The following PTPRN2 variants were observed in gnomAD, a reference collection of about 807,000 sequenced individuals.
PTPRN2 encodes receptor-type tyrosine-protein phosphatase N2.
A neutral mutation model predicts 118.8 loss-of-function variants in PTPRN2; 74 were observed. The ratio of observed to expected loss-of-function variants is 0.62; its 90% CI spans 0.52 to 0.76. PTPRN2 has a LOEUF of 0.76. PTPRN2 is among the 30% of genes least tolerant of loss of function. The pLI, the probability that PTPRN2 is intolerant of heterozygous loss-of-function variation, is 0.00. For missense variants in PTPRN2, 1,481 were observed against 1,394.4 expected (o/e 1.06, Z -0.99); for synonymous variants, 641 against 608.0 (o/e 1.05, Z -0.80).
chr7:157,649,135 C>T (rs1273738939), intron 14 of PTPRN2, among the ~76,000 whole-genome samples: 2 of 128,056 alleles, frequency 1.6e-5, no homozygotes, highest in Non-Finnish European at 3.4e-5. Flanking sequence ...GCACTGAACT[C>T]GGTGGGTCGG....
Position 157,874,717 on chromosome 7 carries a change from A to G in PTPRN2, c.1788+23956T>C, listed in dbSNP as rs532058442. The stretch of plus-strand genomic sequence containing the variant: ...AACCCAAGCAGACACACACTCATGC[A>G]CACACACACAGAGACACACTCATGC... On this transcript the variant is annotated intron_variant, in intron 12 of 22. Transcript: ENST00000389418. This position sits in a 1 kb window ranked among gnomAD's most constrained non-coding sequence, Gnocchi z 5.8. 3.0e-4 allele frequency among the ~76,000 whole-genome samples: 45 copies of G among 152,004 alleles called. No individual in the cohort carries two copies. The South Asian group carries it at 8.9e-3, about 30-fold the overall frequency.
At chr7:158,130,182 G>C (rs944955534) in intron 9 of PTPRN2, among the ~76,000 whole-genome samples, 1 of 152,198 alleles carries the variant, frequency 6.6e-6, no homozygotes, top group Non-Finnish European at 1.5e-5. Flanking sequence ...GCAGCACAGC[G>C]ACAGCACCAG....
At chr7:158,044,648 G>C (rs906086251) in intron 11 of PTPRN2, among the ~76,000 whole-genome samples, 1 of 152,086 alleles carries the variant, frequency 6.6e-6, no homozygotes, top group Non-Finnish European at 1.5e-5. Flanking sequence ...GGAGGCCACA[G>C]GGGACAAGGA....
At chr7:158,350,567 C>T (rs1359892762) in intron 2 of PTPRN2, among the ~76,000 whole-genome samples, 2 of 152,172 alleles carry the variant, frequency 1.3e-5, no homozygotes, top group African/African-American at 4.8e-5. Flanking sequence ...ACTTAGAGTC[C>T]CATAACACAT....
chr7:158,067,174 A>C (rs540466686), intron 11 of PTPRN2, among the ~76,000 whole-genome samples: 1 of 152,314 alleles, frequency 6.6e-6, no homozygotes, highest in East Asian at 1.9e-4. Flanking sequence ...TTGAGATGCA[A>C]TTCTTATTTC....
In PTPRN2 at chr7:158,138,958, CA is replaced by C. The variant is rs1563494153; in HGVS notation, c.911-444del. On this transcript the variant is annotated intron_variant, in intron 6 of 22. Coordinates refer to ENST00000389418, the MANE Select transcript of PTPRN2 (RefSeq NM_002847.5). Reference sequence around the variant, plus strand: ...AGCGCCCTGCCCAGGACACCCTGCCCAGCACACCCTGCCCAGCACACCCTGC... The same window carrying C: ...AGCGCCCTGCCCAGGACACCCTGCCCGCACACCCTGCCCAGCACACCCTGC... 1.3e-4 allele frequency among the ~76,000 whole-genome samples: 17 copies of C among 135,062 alleles called. No homozygotes were observed. The South Asian group carries it at 3.6e-3, about 29-fold the overall frequency. The allele number at this position is 135,062 out of a possible 152,430, so 88.6% of individuals were successfully genotyped here. A position where few individuals can be genotyped will look rare whatever the true frequency, so the allele number is the denominator to read the frequency against.
intron 11 of PTPRN2, among the ~76,000 whole-genome samples, chr7:157,947,010 C>A (rs1217499596): frequency 1.3e-5 from 2 of 152,190 alleles, no homozygotes; most frequent in Non-Finnish European, 2.9e-5. Context: ...CCCTGGCCTG[C>A]CCTGGGTGTG....
intron 3 of PTPRN2, among the ~76,000 whole-genome samples, chr7:158,208,798 G>A (rs1193893258): frequency 1.3e-5 from 2 of 152,100 alleles, no homozygotes; most frequent in East Asian, 3.9e-4. Flanking sequence ...CTCATATCTG[G>A]AGTTAAAAGA....
chr7:158,308,139 T>C (rs2151065995), intron 3 of PTPRN2, among the ~76,000 whole-genome samples: 1 of 152,302 alleles, frequency 6.6e-6, no homozygotes, highest in South Asian at 2.1e-4. Flanking sequence ...TGATCCTCAA[T>C]AATATTAACA....
chr7:158,054,614 C>A (rs545848779), intron 11 of PTPRN2, among the ~76,000 whole-genome samples: 3 of 152,356 alleles, frequency 2.0e-5, no homozygotes, highest in Admixed American at 6.5e-5. Context: ...CAGAATCTGG[C>A]AACCAGGAGA....
At chr7:158,276,278 G>GTC in intron 3 of PTPRN2, among the ~76,000 whole-genome samples, 1 of 34,792 alleles carries the variant, frequency 2.9e-5, no homozygotes, top group African/African-American at 6.8e-5. Flanking sequence ...GCCCCAACAG[G>GTC]CTGTAAGGCA....
At chr7:158,578,789 G>T (rs1404624284) in intron 1 of PTPRN2, among the ~76,000 whole-genome samples, 1 of 151,406 alleles carries the variant, frequency 6.6e-6, no homozygotes, top group Non-Finnish European at 1.5e-5. Context: ...TTGAGACAGA[G>T]TCTCCCTCTG....
chr7:158,586,920 A>T (rs1828964068), intron 1 of PTPRN2, among the ~76,000 whole-genome samples: 1 of 151,756 alleles, frequency 6.6e-6, no homozygotes, highest in South Asian at 2.1e-4. Context: ...TCGGGGCGTG[A>T]GGCCCAGGAG....
Position 157,741,304 on chromosome 7 carries a change from G to A in PTPRN2, c.1789-58367C>T, listed in dbSNP as rs147011265. Among the ~76,000 whole-genome samples the A allele has an allele frequency of 5.7e-4, 87 of 152,346 alleles. No individual in the cohort carries two copies. The East Asian group carries it at 0.016, about 28-fold the overall frequency. On this transcript the variant is annotated intron_variant, in intron 12 of 22. Transcript: ENST00000389418. Reference sequence around the variant, plus strand: ...CTTTAGTAAGTAAAATGAAAGGTGTGTCTTACTACTGCTGGCTGTTTCCGG... The same window carrying A: ...CTTTAGTAAGTAAAATGAAAGGTGTATCTTACTACTGCTGGCTGTTTCCGG...
intron 17 of PTPRN2, among the ~76,000 whole-genome samples, chr7:157,582,223 C>T (rs1462045250): frequency 6.6e-6 from 1 of 152,242 alleles, no homozygotes; most frequent in Non-Finnish European, 1.5e-5. Flanking sequence ...CCTACGCTTC[C>T]TATCAACACC....
intron 12 of PTPRN2, among the ~76,000 whole-genome samples, chr7:157,812,851 C>A (rs937473661): frequency 9.2e-5 from 14 of 152,082 alleles, no homozygotes; most frequent in African/African-American, 1.5e-4. Flanking sequence ...TTGAGAATTC[C>A]GTTTGGAAAC....
intron 2 of PTPRN2, among the ~76,000 whole-genome samples, chr7:158,341,987 C>A (rs1326317387): frequency 6.6e-6 from 1 of 150,822 alleles, no homozygotes; most frequent in Non-Finnish European, 1.5e-5. Flanking sequence ...ACACTCTCAC[C>A]ATAAGAGGTG....
At chr7:157,562,902 A>ATG (rs1585035597) in intron 21 of PTPRN2, among the ~76,000 whole-genome samples, 1 of 100,144 alleles carries the variant, frequency 1.0e-5, no homozygotes, top group Non-Finnish European at 1.9e-5. Context: ...GTGCTCCCGC[A>ATG]TCACCACACA....
chr7:157,545,907 C>T (rs1344623867), intron 22 of PTPRN2, among the ~76,000 whole-genome samples: 3 of 152,184 alleles, frequency 2.0e-5, no homozygotes, highest in Non-Finnish European at 4.4e-5. Flanking sequence ...AGCAAGCATT[C>T]AGATTGGACA....
Sources: gnomAD v4.1 joint callset for allele counts (sites outside exome capture counted in the v4.1 genomes callset) on GRCh38, gnomAD v4.1.1 for gene constraint, Gnocchi (gnomAD v3.1) non-coding constraint, MANE v1.5 for transcripts, NCBI Gene and HGNC (gene_info 2026-07-23, HGNC 2026-07-21) for gene names.